Variants in DHRSX observed in about 807,000 individuals in gnomAD.
The protein encoded by DHRSX is dehydrogenase/reductase X-linked.
In DHRSX, 31 loss-of-function variants were observed where a neutral mutation model predicts 34.0. The ratio of observed to expected loss-of-function variants is 0.91; its 90% CI spans 0.69 to 1.23. DHRSX has a LOEUF of 1.23. Ranked by LOEUF, DHRSX falls within the 50% of genes most tolerant of loss-of-function variation. The pLI is 0.00. For missense variants in DHRSX, 414 were observed against 428.1 expected, an observed-to-expected ratio of 0.97 and a Z score of 0.29; for synonymous variants, 201 against 183.8, an observed-to-expected ratio of 1.09 and a Z score of -0.76.
At chrX:2,473,244 A>G (rs2044621396) in intron 1 of DHRSX, among the ~76,000 whole-genome samples, 1 of 152,212 alleles carries the variant, frequency 6.6e-6, no homozygotes, top group African/African-American at 2.4e-5. Context: ...TAACAGGGAC[A>G]AAGTCCAGAC....
intron 1 of DHRSX, among the ~76,000 whole-genome samples, chrX:2,464,247 G>A (rs766623975): frequency 1.3e-5 from 2 of 151,376 alleles, no homozygotes; most frequent in Non-Finnish European, 2.9e-5. Context: ...CGTGGCCCAA[G>A]GGACCATTGC....
chrX:2,297,431 C>T (rs2041947620), intron 3 of DHRSX, among the ~76,000 whole-genome samples: 1 of 151,976 alleles, frequency 6.6e-6, no homozygotes, highest in South Asian at 2.1e-4. Flanking sequence ...CCATCCTTTC[C>T]TAAGGTAGTA....
chrX:2,289,655 C>G (rs1046850651), intron 4 of DHRSX, among the ~76,000 whole-genome samples: 3 of 151,714 alleles, frequency 2.0e-5, no homozygotes, highest in African/African-American at 7.3e-5. Context: ...TGTAGGATCT[C>G]CACAGTGCCT....
chrX:2,248,302 G>T (rs1368199047), intron 5 of DHRSX, among the ~76,000 whole-genome samples: 1 of 151,988 alleles, frequency 6.6e-6, no homozygotes, highest in Non-Finnish European at 1.5e-5. Flanking sequence ...GTGTGGTGGT[G>T]GGCGCCCGTA....
intron 1 of DHRSX, among the ~76,000 whole-genome samples, chrX:2,450,377 G>A (rs189469744): frequency 9.9e-5 from 15 of 152,134 alleles, no homozygotes; most frequent in African/African-American, 2.9e-4. Context: ...CAGGAGAATC[G>A]CTCGAACCCG....
Position 2,220,968 on chromosome X carries a change from G to A in DHRSX, c.*73C>T. ...GGGTGTGAGAAACTCAAACACCGCA[G>A]TCTTCACAGACCCACAAGCTATTGG... On this transcript the variant is annotated 3_prime_UTR_variant, in exon 7 of 7. Transcript: ENST00000334651. 2.7e-6 allele frequency: 4 copies of A among 1,492,534 alleles called. No homozygotes were observed. Among genetic ancestry groups the A allele is most frequent in the Non-Finnish European group, 3.7e-6 (4 of 1,090,218 alleles). The allele number at this position is 1,492,534 out of a possible 1,614,324, so 92.5% of individuals were successfully genotyped here.
intron 5 of DHRSX, among the ~76,000 whole-genome samples, chrX:2,247,183 A>T (rs1164182429): frequency 6.6e-6 from 1 of 152,072 alleles, no homozygotes; most frequent in East Asian, 1.9e-4. Context: ...TTCTGACCCC[A>T]AGTGATCCAC....
chrX:2,379,757 G>A (rs890978180), intron 3 of DHRSX, among the ~76,000 whole-genome samples: 3 of 151,886 alleles, frequency 2.0e-5, no homozygotes, highest in Non-Finnish European at 2.9e-5. Context: ...CTGTTTTGCC[G>A]AAACAAAAAT....
At chrX:2,222,122 ATT>A (rs2015535724) in intron 6 of DHRSX, among the ~76,000 whole-genome samples, 1 of 152,218 alleles carries the variant, frequency 6.6e-6, no homozygotes, top group South Asian at 2.1e-4. Flanking sequence ...TCTGCCATGC[ATT>A]GATCTTGAAC....
intron 3 of DHRSX, 106 bp from the exon 4 acceptor site, chrX:2,291,709 CTTTT>C (rs113156917): frequency 2.5e-6 from 1 of 397,890 alleles, no homozygotes; most frequent in African/African-American, 2.2e-5. Flanking sequence ...GGAAGTAACA[CTTTT>C]TTTTTTTCTG....
intron 1 of DHRSX, among the ~76,000 whole-genome samples, chrX:2,485,535 G>C (rs2044869470): frequency 7.0e-6 from 1 of 142,906 alleles, no homozygotes; most frequent in South Asian, 2.4e-4. Flanking sequence ...GGAAGGGAGG[G>C]AGGGAGAAAA....
At chrX:2,349,279 T>C (rs1289363349) in intron 3 of DHRSX, among the ~76,000 whole-genome samples, 1 of 151,116 alleles carries the variant, frequency 6.6e-6, no homozygotes, top group Non-Finnish European at 1.5e-5. Context: ...ATGAAGAAAA[T>C]GCGGTACAGC....
chrX:2,276,987 GAGAA>G (rs1392252172), intron 4 of DHRSX, among the ~76,000 whole-genome samples: 2 of 31,578 alleles, frequency 6.3e-5, no homozygotes, highest in East Asian at 6.5e-4. Context: ...GGGGAAGAGA[GAGAA>G]AGAGAGATGG....
intron 3 of DHRSX, among the ~76,000 whole-genome samples, chrX:2,374,084 G>C (rs973539984): frequency 1.3e-4 from 20 of 152,122 alleles, no homozygotes; most frequent in African/African-American, 4.6e-4. Context: ...CCAGGCAATG[G>C]CCTACCACCC....
chrX:2,360,976 T>G (rs2042926311), intron 3 of DHRSX, among the ~76,000 whole-genome samples: 1 of 152,154 alleles, frequency 6.6e-6, no homozygotes, highest in South Asian at 2.1e-4. Context: ...CTTTTCCCTC[T>G]TTGTGTGTTT....
chrX:2,348,552 G>C (rs1194221888), intron 3 of DHRSX, among the ~76,000 whole-genome samples: 1 of 152,128 alleles, frequency 6.6e-6, no homozygotes. Flanking sequence ...CAATAAGAAA[G>C]AGGTCCAGGC....
At chrX:2,304,281 GTGGGTGGGTGGGTGGATGGA>G (rs2042072066) in intron 3 of DHRSX, among the ~76,000 whole-genome samples, 1 of 76,818 alleles carries the variant, frequency 1.3e-5, no homozygotes, top group African/African-American at 6.2e-5. Context: ...GGATGGATGG[GTGGGTGGGTGGGTGGATGGA>G]TGGATGGATG....
At chrX:2,400,955 T>C (rs1450695085) in intron 3 of DHRSX, among the ~76,000 whole-genome samples, 1 of 152,184 alleles carries the variant, frequency 6.6e-6, no homozygotes, top group Non-Finnish European at 1.5e-5. Flanking sequence ...TTTACCTTCT[T>C]GACACCCATC....
intron 5 of DHRSX, among the ~76,000 whole-genome samples, chrX:2,257,621 C>T (rs2041297093): frequency 6.6e-6 from 1 of 151,940 alleles, no homozygotes; most frequent in South Asian, 2.1e-4. Context: ...GAGATAGGGT[C>T]CTTTTATTTT....
Sources: allele counts gnomAD v4.1 joint callset (sites outside exome capture counted in the v4.1 genomes callset), GRCh38; gene constraint gnomAD v4.1.1; transcripts MANE v1.5; gene names NCBI Gene and HGNC (gene_info 2026-07-23, HGNC 2026-07-21).